Variants in PCGF6 observed in about 807,000 individuals in gnomAD.
PCGF6 encodes the protein polycomb group RING finger protein 6.
In PCGF6, 24 loss-of-function variants were observed where a neutral mutation model predicts 45.5. That is an observed-to-expected ratio of 0.53 (90% confidence interval 0.38 to 0.74). PCGF6 has a LOEUF of 0.74. Among genes scored for constraint, PCGF6 ranks in the 30% least tolerant of loss-of-function variants. PCGF6 has a pLI of 0.00. For missense variants in PCGF6, 356 were observed against 443.2 expected, an observed-to-expected ratio of 0.80 and a Z score of 1.77; for synonymous variants, 152 against 162.1, an observed-to-expected ratio of 0.94 and a Z score of 0.47.
intron 9 of PCGF6, among the ~76,000 whole-genome samples, chr10:103,313,970 T>C (rs2093166136): frequency 1.3e-5 from 2 of 152,186 alleles, no homozygotes; most frequent in Non-Finnish European, 2.9e-5. Flanking sequence ...CCTGCTTTCT[T>C]AGAATAATTA....
At chr10:103,307,558 G>A (rs1356341758) in intron 9 of PCGF6, among the ~76,000 whole-genome samples, 1 of 152,188 alleles carries the variant, frequency 6.6e-6, no homozygotes, top group East Asian at 1.9e-4. Flanking sequence ...CAACAGCCCT[G>A]AACTCCCAGG....
rs565347057 is a variant in PCGF6, at chr10:103,328,183, C to T, written c.811-1551G>A. Among the ~76,000 whole-genome samples the T allele has an allele frequency of 6.4e-4, 98 of 152,268 alleles. 3 individuals are homozygous for T. The South Asian group carries it at 0.019, about 29-fold the overall frequency. ...AAAAGCTGAAGTAATCAGAACTAAA[C>T]AGTCCCTTACAGGAAAAGCACAAAG... On this transcript the variant is annotated intron_variant, in intron 7 of 9. Coordinates refer to ENST00000369847, the MANE Select transcript of PCGF6 (RefSeq NM_001011663.2).
intron 1 of PCGF6, among the ~76,000 whole-genome samples, chr10:103,350,109 A>T (rs2093315700): frequency 6.7e-6 from 1 of 150,076 alleles, no homozygotes; most frequent in Admixed American, 6.7e-5. Flanking sequence ...AAAACAAAAC[A>T]AAAGGATCTT....
chr10:103,318,936 CT>C (rs1010751062), intron 8 of PCGF6, among the ~76,000 whole-genome samples: 1 of 152,158 alleles, frequency 6.6e-6, no homozygotes, highest in Non-Finnish European at 1.5e-5. Context: ...GATACGTTAA[CT>C]CTTTTGTGCA....
At chr10:103,326,400 A>AC (rs1426214862) in intron 8 of PCGF6, 134 bp downstream of exon 8, 6 of 544,646 alleles carry the variant, frequency 1.1e-5, no homozygotes, top group Non-Finnish European at 1.8e-5. Context: ...AAAAAAAAAA[A>AC]AAAAAACAAT....
At chr10:103,306,888 G>C (rs1225922845) in intron 9 of PCGF6, among the ~76,000 whole-genome samples, 1 of 152,086 alleles carries the variant, frequency 6.6e-6, no homozygotes, top group East Asian at 1.9e-4. Flanking sequence ...TGGATCACCT[G>C]AGCCCAGGAG....
chr10:103,348,710 TC>T lies in PCGF6; in HGVS notation c.557+5del. The stretch of plus-strand genomic sequence containing the variant: ...AATACAATTGTAATTTATATATTCT[TC>T]TTACCTTATGTTATAAAGAGGTTGT... On this transcript the variant is annotated splice_donor_5th_base_variant and intron_variant, in intron 3 of 9. Transcript: ENST00000369847. 1 of 1,507,876 alleles carries T rather than the reference TC, an allele frequency of 6.6e-7. No homozygotes were observed. The highest frequency in any genetic ancestry group is 1.4e-5 in the African/African-American group (1 of 71,522). 93.4% of individuals were successfully genotyped at this position (1,507,876 alleles called of 1,614,324 possible). A position where few individuals can be genotyped will look rare whatever the true frequency, so the allele number is the denominator to read the frequency against.
At chr10:103,310,117 A>C (rs1438697679) in intron 9 of PCGF6, among the ~76,000 whole-genome samples, 3 of 151,608 alleles carry the variant, frequency 2.0e-5, no homozygotes, top group Non-Finnish European at 1.5e-5. Context: ...TGCCCGGCTA[A>C]TTTTTTGTAT....
At chr10:103,327,395 T>C (rs779205326) in intron 7 of PCGF6, among the ~76,000 whole-genome samples, 2 of 152,098 alleles carry the variant, frequency 1.3e-5, no homozygotes, top group Admixed American at 6.6e-5. Flanking sequence ...GACAAATACA[T>C]TAACCAATTA....
In PCGF6 at chr10:103,343,725, T is replaced by C. The variant is rs1467131397; in HGVS notation, c.782+1299A>G. On this transcript the variant is annotated intron_variant, in intron 6 of 9. Transcript: ENST00000369847. ...GCATGTGCCTGCAGTCCCAGCTACT[T>C]GGGAGGCTGAGGCAGGAGAATCCCC... Among the ~76,000 whole-genome samples the C allele has an allele frequency of 2.0e-5, 3 of 147,090 alleles. No individual in the cohort carries two copies. The Admixed American group carries it at 2.1e-4, about 11-fold the overall frequency.
chr10:103,304,149 T>C (rs1365519827), intron 9 of PCGF6, among the ~76,000 whole-genome samples, 188 bp from the exon 10 acceptor site: 1 of 151,884 alleles, frequency 6.6e-6, no homozygotes, highest in Non-Finnish European at 1.5e-5. Flanking sequence ...GCTTTTTTTT[T>C]TTTTTGAGAC....
chr10:103,350,984 G>GGAGGCA lies in PCGF6; in HGVS notation c.82_83insTGCCTC (p.Pro27_Pro28insLeuPro), dbSNP rs1355906300. On this transcript the variant is annotated inframe_insertion, in exon 1 of 10. Transcript: ENST00000369847. ...AGGGGTGAGGGCGGGCGGGGAGACA[G>GGAGGCA]GAGGCGGAGGCGGCAAGGCTGCAGC... The GGAGGCA allele has an allele frequency of 2.3e-6, 3 of 1,331,224 alleles. No individual in the cohort carries two copies. Among genetic ancestry groups the GGAGGCA allele is most frequent in the Non-Finnish European group, 1.9e-6 (2 of 1,045,086 alleles). The allele number at this position is 1,331,224 out of a possible 1,614,324, so 82.5% of individuals were successfully genotyped here.
chr10:103,310,449 A>G (rs2093153210), intron 9 of PCGF6, among the ~76,000 whole-genome samples: 1 of 152,032 alleles, frequency 6.6e-6, no homozygotes, highest in African/African-American at 2.4e-5. Context: ...ATTTGTTGAA[A>G]CTCATGCATT....
chr10:103,309,973 CAG>C (rs1379797329), intron 9 of PCGF6, among the ~76,000 whole-genome samples: 4 of 145,534 alleles, frequency 2.7e-5, no homozygotes, highest in Admixed American at 7.0e-5. Context: ...TTTTTTGAGA[CAG>C]AGTTTTGCTG....
chr10:103,328,799 T>C (rs2093228617), intron 7 of PCGF6, among the ~76,000 whole-genome samples: 1 of 152,206 alleles, frequency 6.6e-6, no homozygotes, highest in East Asian at 1.9e-4. Flanking sequence ...TCACCCAGGC[T>C]GGAGTGCAGT....
intron 8 of PCGF6, among the ~76,000 whole-genome samples, chr10:103,318,293 A>G: frequency 6.6e-6 from 1 of 151,478 alleles, no homozygotes; most frequent in Non-Finnish European, 1.5e-5. Context: ...AAATACAAAA[A>G]TAAGCTGGGT....
chr10:103,338,099 A>G (rs2093264603), intron 6 of PCGF6, among the ~76,000 whole-genome samples: 1 of 149,526 alleles, frequency 6.7e-6, no homozygotes, highest in African/African-American at 2.5e-5. Context: ...AAATTAGCTG[A>G]GCATGGTGGT....
rs60182387 is a variant in PCGF6, at chr10:103,314,954, T to TAAA, written c.910-685_910-683dup. Among the ~76,000 whole-genome samples, 254 of 57,174 alleles carry TAAA rather than the reference T, an allele frequency of 4.4e-3. 25 individuals are homozygous for TAAA. The highest frequency in any genetic ancestry group is 0.014 in the African/African-American group (169 of 12,368). 37.5% of individuals were successfully genotyped at this position (57,174 alleles called of 152,430 possible). On this transcript the variant is annotated intron_variant, in intron 8 of 9. Transcript: ENST00000369847. ...TGGGCCACAGAGCGAGACTCTGTCATAAAAAAAAAAAAAAAAAAAAAAAAA... is the reference window on the plus strand; with the variant it reads ...TGGGCCACAGAGCGAGACTCTGTCATAAAAAAAAAAAAAAAAAAAAAAAAAAAA...
In PCGF6 at chr10:103,349,117, G is replaced by C. The variant is rs533309345; in HGVS notation, c.361-118C>G. 9.2e-4 allele frequency: 725 copies of C among 787,738 alleles called. 5 individuals are homozygous for C. The African/African-American group carries it at 0.012, about 13-fold the overall frequency. The allele number at this position is 787,738 out of a possible 1,614,324, so 48.8% of individuals were successfully genotyped here. On this transcript the variant is annotated intron_variant, in intron 1 of 9. Transcript: ENST00000369847. ...AAGCTGAGTGCAGTGATGTCATCTCGGTTCACTGCAACCTCCGCCTCCTGG... is the reference window on the plus strand; with the variant it reads ...AAGCTGAGTGCAGTGATGTCATCTCCGTTCACTGCAACCTCCGCCTCCTGG...
Sources: gnomAD v4.1 joint callset for allele counts (sites outside exome capture counted in the v4.1 genomes callset) on GRCh38, gnomAD v4.1.1 for gene constraint, MANE v1.5 for transcripts, NCBI Gene and HGNC (gene_info 2026-07-23, HGNC 2026-07-21) for gene names.